The following UCHL3 variants were observed in gnomAD, a reference collection of about 807,000 sequenced individuals.
The protein encoded by UCHL3 is ubiquitin C-terminal hydrolase L3.
In UCHL3, 22 loss-of-function variants were observed where a neutral mutation model predicts 35.8. The ratio of observed to expected loss-of-function variants is 0.61; its 90% CI spans 0.44 to 0.88. The LOEUF (loss-of-function observed/expected upper bound fraction) is 0.88, where lower values mean the gene tolerates loss of function less well. Among genes scored for constraint, UCHL3 ranks in the 40% least tolerant of loss-of-function variants. The probability of loss-of-function intolerance (pLI) is 0.00; values close to 1 mark genes in which losing one functional copy is unlikely to be tolerated. For missense variants in UCHL3, 229 were observed against 276.9 expected, an observed-to-expected ratio of 0.83 and a Z score of 1.23; for synonymous variants, 90 against 92.8, an observed-to-expected ratio of 0.97 and a Z score of 0.17.
intron 3 of UCHL3, among the ~76,000 whole-genome samples, chr13:75,564,166 T>G (rs1371611376): frequency 6.6e-6 from 1 of 152,090 alleles, no homozygotes; most frequent in African/African-American, 2.4e-5. Flanking sequence ...TTTTTTTTTT[T>G]TTGAGATGGA....
At chr13:75,563,140 T>TATGC (rs1385661102) in intron 3 of UCHL3, among the ~76,000 whole-genome samples, 1 of 133,006 alleles carries the variant, frequency 7.5e-6, no homozygotes, top group Non-Finnish European at 1.8e-5. Context: ...TGTATGTATG[T>TATGC]ATGTATGTAT....
intron 6 of UCHL3, among the ~76,000 whole-genome samples, chr13:75,577,887 G>A (rs565530184): frequency 1.3e-5 from 2 of 150,204 alleles, no homozygotes; most frequent in African/African-American, 2.5e-5. Flanking sequence ...ATTAATTGAG[G>A]AGCCAGCCCA....
At chr13:75,592,461 T>TGTATATAC (rs1434416210) in intron 6 of UCHL3, among the ~76,000 whole-genome samples, 56 of 109,528 alleles carry the variant, frequency 5.1e-4, no homozygotes, top group Non-Finnish European at 9.0e-4. Context: ...TATATATATA[T>TGTATATAC]ATATATGAAG....
intron 3 of UCHL3, 39 bp downstream of exon 3, chr13:75,560,920 A>T: frequency 6.8e-7 from 1 of 1,479,562 alleles, no homozygotes; most frequent in Non-Finnish European, 8.9e-7. Context: ...TGGTAAATAC[A>T]ATTTTTGTTT....
At chr13:75,562,253 G>A (rs2031543397) in intron 3 of UCHL3, among the ~76,000 whole-genome samples, 1 of 151,838 alleles carries the variant, frequency 6.6e-6, no homozygotes, top group Non-Finnish European at 1.5e-5. Context: ...CTACTTAAGG[G>A]TTCTACAAAA....
At chr13:75,559,246 TAGC>T (rs2031409168) in intron 2 of UCHL3, among the ~76,000 whole-genome samples, 1 of 151,288 alleles carries the variant, frequency 6.6e-6, no homozygotes. Context: ...TTCACCGTAT[TAGC>T]CAGGATGGTC....
chr13:75,561,809 ATACGTATACGTATATACG>A (rs1163017001), intron 3 of UCHL3, among the ~76,000 whole-genome samples: 7 of 32,402 alleles, frequency 2.2e-4, no homozygotes, highest in African/African-American at 2.8e-4. Context: ...ATACGTATAC[ATACGTATACGTATATACG>A]TACGTATATA....
chr13:75,567,202 A>C (rs760568114), intron 4 of UCHL3, 25 bp from the exon 5 acceptor site: 2 of 1,607,660 alleles, frequency 1.2e-6, no homozygotes, highest in African/African-American at 1.3e-5. Flanking sequence ...AGCCTTTTTA[A>C]TTTTATCTTC....
At chr13:75,584,949 A>T (rs927165440) in intron 6 of UCHL3, among the ~76,000 whole-genome samples, 13 of 152,094 alleles carry the variant, frequency 8.5e-5, no homozygotes, top group Non-Finnish European at 1.5e-4. Context: ...AAGAGGGGGA[A>T]AAACCACACA....
At chr13:75,549,613 G>C, upstream of UCHL3, 1 of 477,740 alleles carries the variant, frequency 2.1e-6, no homozygotes, top group South Asian at 4.9e-5. Flanking sequence ...CTCCTCGGCA[G>C]CATCTTAATT....
chr13:75,571,402 A>G (rs1015822179), intron 6 of UCHL3, among the ~76,000 whole-genome samples: 2 of 152,178 alleles, frequency 1.3e-5, no homozygotes, highest in Non-Finnish European at 2.9e-5. Context: ...ACATCATCTG[A>G]ATGACCTCAC....
At chr13:75,561,029 C>T in intron 3 of UCHL3, 148 bp downstream of exon 3, 1 of 642,906 alleles carries the variant, frequency 1.6e-6, no homozygotes, top group South Asian at 3.3e-5. Flanking sequence ...CTCCCAGGCT[C>T]AAGCGATCCT....
chr13:75,590,137 T>C, intron 6 of UCHL3: 1 of 1,301,590 alleles, frequency 7.7e-7, no homozygotes, highest in Non-Finnish European at 1.0e-6. Context: ...GTTGTAAGTT[T>C]AGTCAATCTT....
At chr13:75,573,803 G>A (rs780256969) in intron 6 of UCHL3, among the ~76,000 whole-genome samples, 2 of 152,140 alleles carry the variant, frequency 1.3e-5, no homozygotes, top group African/African-American at 4.8e-5. Context: ...AATTTGGCAG[G>A]GGGGACACAA....
chr13:75,561,870 T>C (rs985955113), intron 3 of UCHL3, among the ~76,000 whole-genome samples: 4 of 150,814 alleles, frequency 2.7e-5, no homozygotes, highest in African/African-American at 7.3e-5. Context: ...CATATATACA[T>C]ACGTATATAC....
In UCHL3 at chr13:75,592,368, A is replaced by G. The variant is rs77574505; in HGVS notation, c.475-2547A>G. 1.2e-4 allele frequency among the ~76,000 whole-genome samples: 16 copies of G among 138,702 alleles called. No individual in the cohort carries two copies. The East Asian group carries it at 3.4e-3, about 30-fold the overall frequency. 91.0% of individuals were successfully genotyped at this position (138,702 alleles called of 152,430 possible). ...GTGTCAATATCAGGCAGCAGCTTCAAAGCCAAAATGGTGTTTGGATGTAAA... is the reference window on the plus strand; with the variant it reads ...GTGTCAATATCAGGCAGCAGCTTCAGAGCCAAAATGGTGTTTGGATGTAAA... On this transcript the variant is annotated intron_variant, in intron 6 of 8. Transcript: ENST00000377595.
chr13:75,597,308 A>G (rs766927044), intron 7 of UCHL3, among the ~76,000 whole-genome samples: 2 of 152,098 alleles, frequency 1.3e-5, no homozygotes, highest in East Asian at 1.9e-4. Context: ...ACAGTGTGCT[A>G]TGATTGCACC....
chr13:75,580,093 G>A (rs919163964), intron 6 of UCHL3, among the ~76,000 whole-genome samples: 1 of 152,134 alleles, frequency 6.6e-6, no homozygotes, highest in African/African-American at 2.4e-5. Context: ...TGGGCATCTT[G>A]ATTTATTAGG....
chr13:75,596,026 A>G (rs566021943), intron 7 of UCHL3, among the ~76,000 whole-genome samples: 3 of 152,152 alleles, frequency 2.0e-5, no homozygotes, highest in South Asian at 2.1e-4. Flanking sequence ...TTTTGGTTCT[A>G]TTACCTCTCA....
Sources: gnomAD v4.1 joint callset for allele counts (sites outside exome capture counted in the v4.1 genomes callset) on GRCh38, gnomAD v4.1.1 for gene constraint, MANE v1.5 for transcripts, NCBI Gene and HGNC (gene_info 2026-07-23, HGNC 2026-07-21) for gene names.